The following NEGR1 variants were observed in gnomAD, a reference collection of about 807,000 sequenced individuals.
NEGR1 encodes the protein IgLON family member 4.
In NEGR1, 10 loss-of-function variants were observed where a neutral mutation model predicts 40.9. That is an observed-to-expected ratio of 0.24 (90% CI 0.15 to 0.42). The LOEUF (loss-of-function observed/expected upper bound fraction) is 0.42. Ranked by LOEUF, NEGR1 falls within the 10% of genes least tolerant of loss-of-function variation. The pLI is 1.00. For synonymous variants in NEGR1, 185 were observed against 166.8 expected (o/e 1.11, Z -0.84); for missense variants, 352 against 438.9 (o/e 0.80, Z 1.77).
Position 71,403,206 on chromosome 1 carries a change from TA to T in NEGR1, c.*4239del, listed in dbSNP as rs1280091633. The T allele has an allele frequency of 1.3e-5, 2 of 152,084 alleles. No individual in the cohort carries two copies. The highest frequency in any genetic ancestry group is 3.8e-4 in the East Asian group (2 of 5,206). The allele number at this position is 152,084 out of a possible 1,614,324, so 9.4% of individuals were successfully genotyped here. On this transcript the variant is annotated 3_prime_UTR_variant, in exon 7 of 7. Coordinates refer to ENST00000357731, the MANE Select transcript of NEGR1 (RefSeq NM_173808.3). The stretch of plus-strand genomic sequence containing the variant: ...ATCTCATTTGTATATTATGGTTTGG[TA>T]TTTACAAACTAAAGGTTCTCAGCCA...
intron 6 of NEGR1, among the ~76,000 whole-genome samples, chr1:71,556,638 CACACACACACACACAT>C (rs1269069507): frequency 2.0e-5 from 3 of 150,994 alleles, no homozygotes; most frequent in African/African-American, 4.8e-5. Flanking sequence ...ATTACACACA[CACACACACACACACAT>C]ACACACACAC....
intron 1 of NEGR1, among the ~76,000 whole-genome samples, chr1:72,083,762 C>T (rs1648098501): frequency 6.6e-6 from 1 of 151,928 alleles, no homozygotes; most frequent in Admixed American, 6.6e-5. Flanking sequence ...TTTCAGTTCA[C>T]AGCAAAATGG....
chr1:72,195,881 G>T (rs1387466868), intron 1 of NEGR1, among the ~76,000 whole-genome samples: 1 of 151,962 alleles, frequency 6.6e-6, no homozygotes, highest in African/African-American at 2.4e-5. Context: ...TATTGTGATG[G>T]TACTGATGTA....
chr1:72,089,492 C>T (rs1015985149), intron 1 of NEGR1, among the ~76,000 whole-genome samples: 9 of 152,038 alleles, frequency 5.9e-5, no homozygotes, highest in East Asian at 1.9e-4. Context: ...TTGATTAATT[C>T]GTATAAAGTA....
intron 6 of NEGR1, among the ~76,000 whole-genome samples, chr1:71,513,169 T>A (rs1020119232): frequency 9.9e-6 from 1 of 100,860 alleles, no homozygotes; most frequent in Non-Finnish European, 2.5e-5. Flanking sequence ...TACATATAAT[T>A]CAAAAACTTA....
At chr1:71,762,256 A>G (rs1271072935) in intron 3 of NEGR1, among the ~76,000 whole-genome samples, 3 of 150,498 alleles carry the variant, frequency 2.0e-5, no homozygotes, top group South Asian at 4.2e-4. Flanking sequence ...AAATAGAGAA[A>G]CAAAAATGAG....
chr1:72,282,259 T>A (rs1294109293), intron 1 of NEGR1, 60 bp downstream of exon 1: 3 of 1,587,356 alleles, frequency 1.9e-6, no homozygotes, highest in Admixed American at 3.4e-5. Flanking sequence ...GCAAAGAGGG[T>A]TCAAAGAGAG....
chr1:71,575,456 T>A (rs1648933123), intron 6 of NEGR1, among the ~76,000 whole-genome samples: 1 of 152,160 alleles, frequency 6.6e-6, no homozygotes, highest in Non-Finnish European at 1.5e-5. Context: ...AGTGAGGCAT[T>A]GGAGCTATCA....
chr1:72,226,665 T>C (rs1039314309), intron 1 of NEGR1, among the ~76,000 whole-genome samples: 1 of 152,034 alleles, frequency 6.6e-6, no homozygotes, highest in African/African-American at 2.4e-5. Context: ...TATTTACCAG[T>C]ATATTCCCAG....
At chr1:72,041,789 G>T (rs1646956987) in intron 1 of NEGR1, among the ~76,000 whole-genome samples, 1 of 145,808 alleles carries the variant, frequency 6.9e-6, no homozygotes, top group African/African-American at 2.5e-5. Context: ...AGGCTTACAA[G>T]TATTTCTTAA....
intron 6 of NEGR1, among the ~76,000 whole-genome samples, chr1:71,490,206 A>G (rs1646917411): frequency 6.6e-6 from 1 of 151,906 alleles, no homozygotes; most frequent in African/African-American, 2.4e-5. Flanking sequence ...TTATATTAAT[A>G]TCATGTGAAA....
At chr1:72,003,532 G>T (rs1403154181) in intron 1 of NEGR1, among the ~76,000 whole-genome samples, 3 of 151,990 alleles carry the variant, frequency 2.0e-5, no homozygotes, top group African/African-American at 7.2e-5. Flanking sequence ...GATACTTTTA[G>T]GTAGAAAGAA....
At chr1:71,905,267 TA>T (rs1661246265) in intron 2 of NEGR1, among the ~76,000 whole-genome samples, 1 of 152,144 alleles carries the variant, frequency 6.6e-6, no homozygotes. Context: ...TATTAGTTTT[TA>T]ATCACAATAT....
rs1456390360 is a variant in NEGR1, at chr1:71,400,566, C to T, written c.*6880G>A. On this transcript the variant is annotated 3_prime_UTR_variant, in exon 7 of 7. Coordinates refer to ENST00000357731, the MANE Select transcript of NEGR1 (RefSeq NM_173808.3). ...ACTGTTTACTTTCTCTTTCACATGT[C>T]CTAGACTATTGGATTATGGTTTGTG... is the stretch of plus-strand genomic sequence containing the variant. 2.6e-5 allele frequency: 4 copies of T among 151,550 alleles called. No homozygotes were observed. Among genetic ancestry groups the T allele is most frequent in the African/African-American group, 9.7e-5 (4 of 41,216 alleles). 9.4% of individuals were successfully genotyped at this position (151,550 alleles called of 1,614,324 possible). A position where few individuals can be genotyped will look rare whatever the true frequency, so the allele number is the denominator to read the frequency against.
intron 1 of NEGR1, among the ~76,000 whole-genome samples, chr1:72,079,019 G>A (rs1288852669): frequency 6.7e-6 from 1 of 150,144 alleles, no homozygotes; most frequent in Non-Finnish European, 1.5e-5. Context: ...AATGATAAAT[G>A]AGGTTATTTA....
intron 1 of NEGR1, among the ~76,000 whole-genome samples, chr1:72,168,543 A>G (rs1490144163): frequency 6.6e-6 from 1 of 150,816 alleles, no homozygotes; most frequent in Non-Finnish European, 1.5e-5. Context: ...AGGCCAAAGG[A>G]AAAAAACATC....
intron 4 of NEGR1, among the ~76,000 whole-genome samples, chr1:71,644,752 T>C (rs900238049): frequency 6.6e-6 from 1 of 151,888 alleles, no homozygotes; most frequent in Non-Finnish European, 1.5e-5. Context: ...TGGAACAACA[T>C]TTATAAGAAG....
chr1:71,930,247 T>C (rs772639214), intron 2 of NEGR1, among the ~76,000 whole-genome samples: 5 of 152,176 alleles, frequency 3.3e-5, no homozygotes, highest in Non-Finnish European at 5.9e-5. Context: ...AAAGAGATGT[T>C]CCTTATACCT....
intron 4 of NEGR1, among the ~76,000 whole-genome samples, chr1:71,689,867 A>G: frequency 6.6e-6 from 1 of 151,782 alleles, no homozygotes; most frequent in East Asian, 1.9e-4. Context: ...AAATAAATGT[A>G]AGTAAAATAA....
Sources: gnomAD v4.1 joint callset for allele counts (sites outside exome capture counted in the v4.1 genomes callset) on GRCh38, gnomAD v4.1.1 for gene constraint, MANE v1.5 for transcripts, NCBI Gene and HGNC (gene_info 2026-07-23, HGNC 2026-07-21) for gene names.